TENM2: variants seen among roughly 807,000 people sequenced by gnomAD.
TENM2 encodes teneurin-2.
TENM2 carries 52 observed loss-of-function variants against 245.2 expected under a neutral mutation model. The observed-to-expected ratio is 0.21, with a 90% CI of 0.17 to 0.27. TENM2 has a LOEUF of 0.27. Among genes scored for constraint, TENM2 ranks in the 10% least tolerant of loss-of-function variants. TENM2 has a pLI of 1.00. For synonymous variants in TENM2, 1,363 were observed against 1,438.9 expected (o/e 0.95, Z 1.19); for missense variants, 3,046 against 3,666.8 (o/e 0.83, Z 4.37).
intron 27 of TENM2, among the ~76,000 whole-genome samples, chr5:168,251,087 T>C (rs78764439): frequency 0.012 from 1,888 of 152,186 alleles, 46 homozygotes; most frequent in African/African-American, 0.043. Context: ...ACCTTAGCCA[T>C]AGGAGAGAAT....
chr5:167,102,303 G>C, the TENM2 span, among the ~76,000 whole-genome samples: 1 of 151,844 alleles, frequency 6.6e-6, no homozygotes, highest in Non-Finnish European at 1.5e-5. Flanking sequence ...AGCAAAAGAG[G>C]GTCAACAAGA....
intron 2 of TENM2, among the ~76,000 whole-genome samples, chr5:167,632,310 C>A (rs1778926536): frequency 6.6e-6 from 1 of 152,070 alleles, no homozygotes. Flanking sequence ...ATCAGGTTAC[C>A]CCTCAAGAAA....
intron 2 of TENM2, among the ~76,000 whole-genome samples, chr5:167,461,714 C>G (rs1279933372): frequency 1.3e-5 from 2 of 152,080 alleles, no homozygotes; most frequent in South Asian, 2.1e-4. Context: ...AACCAAGGCT[C>G]TATGTCAAAT....
intron 28 of TENM2, among the ~76,000 whole-genome samples, chr5:168,260,831 C>G (rs747568323): frequency 2.0e-5 from 3 of 152,102 alleles, no homozygotes; most frequent in Non-Finnish European, 4.4e-5. Context: ...AAAACCTCGG[C>G]GCTTTATGGC....
intron 2 of TENM2, among the ~76,000 whole-genome samples, chr5:167,407,181 T>TTAG (rs1260413827): frequency 6.6e-6 from 1 of 152,132 alleles, no homozygotes; most frequent in Non-Finnish European, 1.5e-5. Context: ...TTGTGTTAGA[T>TTAG]TATTACTGTG....
chr5:167,522,521 G>A (rs754786054), intron 2 of TENM2, among the ~76,000 whole-genome samples: 4 of 151,924 alleles, frequency 2.6e-5, no homozygotes, highest in Non-Finnish European at 5.9e-5. Context: ...TTTGTGAAAT[G>A]AGGGCTATAG....
At chr5:167,927,835 C>T (rs890700351) in intron 3 of TENM2, among the ~76,000 whole-genome samples, 5 of 152,230 alleles carry the variant, frequency 3.3e-5, no homozygotes, top group South Asian at 2.1e-4. Flanking sequence ...ATTTCTGGCC[C>T]GGGTCCTGAG....
At chr5:167,766,400 T>C (rs1418308301) in intron 2 of TENM2, among the ~76,000 whole-genome samples, 1 of 152,202 alleles carries the variant, frequency 6.6e-6, no homozygotes, top group African/African-American at 2.4e-5. Flanking sequence ...ATTGTAGCCA[T>C]GGCAGAGTTT....
intron 2 of TENM2, among the ~76,000 whole-genome samples, chr5:167,833,836 T>C (rs1463579590): frequency 3.3e-5 from 5 of 152,180 alleles, no homozygotes; most frequent in South Asian, 2.1e-4. Flanking sequence ...CCCAAATCTT[T>C]CCCAATTCCA....
chr5:167,262,390 C>CT, the TENM2 span, among the ~76,000 whole-genome samples: 4 of 149,082 alleles, frequency 2.7e-5, no homozygotes, highest in South Asian at 2.1e-4. Flanking sequence ...ATCAAGATGG[C>CT]TTTTTTTTTG....
intron 27 of TENM2, 44 bp downstream of exon 29, chr5:168,248,415 G>A: frequency 6.4e-7 from 1 of 1,565,796 alleles, no homozygotes; most frequent in Non-Finnish European, 8.7e-7. Flanking sequence ...TCCCTCCAGG[G>A]TACTTGTTGC....
chr5:168,190,646 T>G, intron 14 of TENM2, 99 bp downstream of exon 16: 1 of 1,067,998 alleles, frequency 9.4e-7, no homozygotes, highest in Non-Finnish European at 1.4e-6. Context: ...CCAATTGGCC[T>G]GGAATCTGCC....
At position 167,515,192 on chromosome 5, in the gene TENM2, G is replaced by C. The variant is rs180946498; in HGVS notation, c.502+139719G>C. On this transcript the variant is annotated intron_variant, in intron 2 of 28. Transcript: ENST00000518659. ...ATAATGTCATTGGCAAATTCGCTTT[G>C]CCAATGACATTTAAGCATGAAACTT... Among the ~76,000 whole-genome samples, 25 of 152,138 alleles carry C rather than the reference G, an allele frequency of 1.6e-4. No individual in the cohort carries two copies. The East Asian group carries it at 3.5e-3, about 21-fold the overall frequency.
intron 2 of TENM2, among the ~76,000 whole-genome samples, chr5:167,554,220 C>G (rs1773124662): frequency 6.6e-6 from 1 of 152,110 alleles, no homozygotes; most frequent in South Asian, 2.1e-4. Flanking sequence ...TGTTCTGGAC[C>G]AGAGCAATGG....
At chr5:167,634,918 A>G (rs1202521871) in intron 2 of TENM2, among the ~76,000 whole-genome samples, 1 of 152,172 alleles carries the variant, frequency 6.6e-6, no homozygotes, top group Non-Finnish European at 1.5e-5. Flanking sequence ...CATAACTAAA[A>G]ATTTAAGCAT....
chr5:167,479,657 T>C (rs1013811135), intron 2 of TENM2, among the ~76,000 whole-genome samples: 2 of 152,204 alleles, frequency 1.3e-5, no homozygotes, highest in Non-Finnish European at 2.9e-5. Context: ...TCATTTTCAC[T>C]TTTCAATGTT....
intron 3 of TENM2, among the ~76,000 whole-genome samples, chr5:167,907,356 C>G (rs1037309800): frequency 6.6e-6 from 1 of 151,042 alleles, no homozygotes; most frequent in Non-Finnish European, 1.5e-5. Context: ...AACTCACAGA[C>G]CCTTGTTTAC....
the TENM2 span, among the ~76,000 whole-genome samples, chr5:167,051,408 G>T: frequency 6.8e-6 from 1 of 146,046 alleles, no homozygotes. Context: ...TGATTTTATC[G>T]TTTGGAGCAA....
At chr5:167,005,538 A>T in the TENM2 span, among the ~76,000 whole-genome samples, 6 of 152,042 alleles carry the variant, frequency 3.9e-5, no homozygotes, top group South Asian at 8.3e-4. Context: ...CTGAACTTTT[A>T]ACTCACAGAA....
Sources: gnomAD v4.1 joint callset for allele counts (sites outside exome capture counted in the v4.1 genomes callset) on GRCh38, gnomAD v4.1.1 for gene constraint, MANE v1.5 for transcripts, NCBI Gene and HGNC (gene_info 2026-07-23, HGNC 2026-07-21) for gene names.